The following ABL2 variants were observed in gnomAD, a reference collection of about 807,000 sequenced individuals.
ABL2 encodes the protein tyrosine-protein kinase ABL2.
Under a neutral mutation model 107.7 loss-of-function variants are expected in ABL2, and 49 were observed. The observed-to-expected ratio is 0.45, with a 90% CI of 0.36 to 0.58. ABL2 has a LOEUF of 0.58. Ranked by LOEUF, ABL2 falls within the 20% of genes least tolerant of loss-of-function variation. The pLI is 0.00. For missense variants in ABL2, 1,245 were observed against 1,457.0 expected (o/e 0.85, Z 2.37); for synonymous variants, 549 against 548.6 (o/e 1.00, Z -0.01).
At chr1:179,124,012 C>T (rs1156585202) in intron 4 of ABL2, among the ~76,000 whole-genome samples, 2 of 151,990 alleles carry the variant, frequency 1.3e-5, no homozygotes, top group South Asian at 2.1e-4. Flanking sequence ...GAGGCCAAGG[C>T]GGGTGGATCA....
chr1:179,197,465 A>C (rs780316023), intron 1 of ABL2, among the ~76,000 whole-genome samples: 3 of 151,998 alleles, frequency 2.0e-5, no homozygotes, highest in Non-Finnish European at 2.9e-5. Flanking sequence ...CCACCAAAAG[A>C]CTATAAACTC....
intron 1 of ABL2, among the ~76,000 whole-genome samples, chr1:179,159,439 C>T (rs1403403947): frequency 3.3e-5 from 5 of 152,186 alleles, no homozygotes; most frequent in Admixed American, 6.5e-5. Context: ...CATAAACTAT[C>T]GGCAACAGCT....
intron 2 of ABL2, 52 bp downstream of exon 2, chr1:179,133,260 T>A (rs139452940): frequency 1.2e-6 from 2 of 1,610,662 alleles, no homozygotes; most frequent in African/African-American, 2.7e-5. Context: ...CTGTTCTCCA[T>A]CTCTACTGCC....
At chr1:179,116,205 CTCTACTACTAT>C (rs1349156088) in intron 8 of ABL2, among the ~76,000 whole-genome samples, 1 of 37,546 alleles carries the variant, frequency 2.7e-5, no homozygotes, top group African/African-American at 8.9e-5. Context: ...AAAACCTCAT[CTCTACTACTAT>C]GACAAAAATT....
intron 1 of ABL2, among the ~76,000 whole-genome samples, chr1:179,140,909 C>T (rs1278856389): frequency 6.6e-6 from 1 of 151,804 alleles, no homozygotes; most frequent in African/African-American, 2.4e-5. Flanking sequence ...TTTGGGAGGC[C>T]GAGGTGGATC....
intron 1 of ABL2, among the ~76,000 whole-genome samples, chr1:179,136,710 A>AAATC (rs1469774180): frequency 3.9e-3 from 58 of 14,840 alleles, no homozygotes; most frequent in Non-Finnish European, 6.5e-3. Context: ...GATCAATAAA[A>AAATC]AATAAATAAA....
Position 179,108,322 on chromosome 1 carries a change from C to T in ABL2, c.2945G>A (p.Cys982Tyr), listed in dbSNP as rs1311085535. The T allele has an allele frequency of 6.2e-7, 1 of 1,614,102 alleles. No homozygotes were observed. Among genetic ancestry groups the T allele is most frequent in the African/African-American group, 1.3e-5 (1 of 74,932 alleles). The stretch of plus-strand genomic sequence containing the variant: ...CATCACTGGTGGTGGGGGTGGGGCA[C>T]ACTTTGGTTTTACCCGTCGGGGTCG... ...KDRPRRVKPK[C>Y]APPPPPVMRL... is the part of the protein sequence containing the mutation. The change falls in exon 12 of 12, where the codon TGT becomes TAT. Residue 982 changes from cysteine (C) to tyrosine (Y), a missense_variant. By Grantham distance (194) the Cys-to-Tyr change is radical. Transcript: ENST00000502732.
At chr1:179,123,675 C>A (rs1655445560) in intron 4 of ABL2, among the ~76,000 whole-genome samples, 1 of 152,150 alleles carries the variant, frequency 6.6e-6, no homozygotes, top group South Asian at 2.1e-4. Flanking sequence ...GGTTGCCCGG[C>A]CTGGAGTGCA....
At position 179,229,531 on chromosome 1, in the gene ABL2, G is replaced by GGGT; in HGVS notation, c.-135_-134insACC. ...CCTGGCCCTGAGTGGCTGGGCCACC[G>GGGT]GCGGCTCCGCACCCGGCCTCCTCAC... On this transcript the variant is annotated 5_prime_UTR_variant, in exon 1 of 12. Transcript: ENST00000502732. The GGGT allele has an allele frequency of 1.1e-6, 1 of 948,044 alleles. No individual in the cohort carries two copies. Among genetic ancestry groups the GGGT allele is most frequent in the Non-Finnish European group, 1.4e-6 (1 of 699,408 alleles). 58.7% of individuals were successfully genotyped at this position (948,044 alleles called of 1,614,324 possible). A position where few individuals can be genotyped will look rare whatever the true frequency, so the allele number is the denominator to read the frequency against.
intron 1 of ABL2, among the ~76,000 whole-genome samples, chr1:179,165,687 GA>G (rs1179885623): frequency 6.6e-6 from 1 of 151,936 alleles, no homozygotes; most frequent in Non-Finnish European, 1.5e-5. Context: ...GATTATGGGG[GA>G]GGGGACAGTT....
intron 3 of ABL2, among the ~76,000 whole-genome samples, chr1:179,128,040 A>AAT (rs1655908778): frequency 6.6e-6 from 1 of 151,866 alleles, no homozygotes. Context: ...TAAAAAAAAA[A>AAT]AAAAAAGCAC....
At chr1:179,112,880 G>A (rs1324094987) in intron 9 of ABL2, among the ~76,000 whole-genome samples, 1 of 151,882 alleles carries the variant, frequency 6.6e-6, no homozygotes, top group South Asian at 2.1e-4. Flanking sequence ...TCAGCCTCAC[G>A]ATTTGCTGGG....
intron 1 of ABL2, among the ~76,000 whole-genome samples, chr1:179,137,537 C>T (rs1657151715): frequency 6.6e-6 from 1 of 152,062 alleles, no homozygotes; most frequent in South Asian, 2.1e-4. Flanking sequence ...AGGAAAAGTT[C>T]CCCTTGTTTG....
At chr1:179,134,607 T>C (rs1469549815) in intron 1 of ABL2, among the ~76,000 whole-genome samples, 1 of 152,202 alleles carries the variant, frequency 6.6e-6, no homozygotes, top group Non-Finnish European at 1.5e-5. Context: ...TATTTAGAAA[T>C]GCCAGTGGCT....
chr1:179,101,555 G>A lies in ABL2; in HGVS notation c.*6163C>T, dbSNP rs1653094469. ...CCGGCTAATTTTTATATTTTTAGTA[G>A]AGACGGGGTTTCACCATGTTGGCCA... On this transcript the variant is annotated 3_prime_UTR_variant, in exon 12 of 12. Coordinates refer to ENST00000502732, the MANE Select transcript of ABL2 (RefSeq NM_007314.4). 5.8e-6 allele frequency: 1 copy of A among 172,696 alleles called. No homozygotes were observed. Among genetic ancestry groups the A allele is most frequent in the South Asian group, 2.0e-4 (1 of 4,980 alleles). The allele number at this position is 172,696 out of a possible 1,614,324, so 10.7% of individuals were successfully genotyped here. A position where few individuals can be genotyped will look rare whatever the true frequency, so the allele number is the denominator to read the frequency against.
intron 1 of ABL2, among the ~76,000 whole-genome samples, chr1:179,138,170 T>C (rs968408339): frequency 6.6e-6 from 1 of 152,202 alleles, no homozygotes; most frequent in Non-Finnish European, 1.5e-5. Flanking sequence ...GATAACTCAG[T>C]TACTTTGATT....
intron 1 of ABL2, among the ~76,000 whole-genome samples, chr1:179,181,558 C>A (rs548143459): frequency 1.3e-5 from 2 of 152,138 alleles, no homozygotes; most frequent in Non-Finnish European, 2.9e-5. Flanking sequence ...CTATCTATAT[C>A]ATGGTGCTGC....
chr1:179,112,438 A>C, intron 9 of ABL2, 40 bp from the exon 10 acceptor site: 1 of 1,506,216 alleles, frequency 6.6e-7, no homozygotes, highest in Admixed American at 1.7e-5. Context: ...CTCCTTGCAG[A>C]AATTCAATAT....
At chr1:179,181,284 T>C (rs1335914545) in intron 1 of ABL2, among the ~76,000 whole-genome samples, 2 of 152,242 alleles carry the variant, frequency 1.3e-5, no homozygotes, top group Non-Finnish European at 2.9e-5. Flanking sequence ...TGAAGATTTC[T>C]GAAGAGGAAA....
Sources: allele counts gnomAD v4.1 joint callset (sites outside exome capture counted in the v4.1 genomes callset), GRCh38; gene constraint gnomAD v4.1.1; transcripts MANE v1.5; gene names NCBI Gene and HGNC (gene_info 2026-07-23, HGNC 2026-07-21).